The following RSBN1L variants were observed in gnomAD, a reference collection of about 807,000 sequenced individuals.
The protein encoded by RSBN1L is round spermatid basic protein 1 like, also known as lysine-specific demethylase RSBN1L.
A neutral mutation model predicts 67.7 loss-of-function variants in RSBN1L; 30 were observed. That is an observed-to-expected ratio of 0.44 (90% CI 0.33 to 0.60). RSBN1L has a LOEUF of 0.60. RSBN1L is among the 20% of genes least tolerant of loss of function. RSBN1L has a pLI of 0.02. For missense variants in RSBN1L, 992 were observed against 1,031.7 expected (o/e 0.96, Z 0.53); for synonymous variants, 433 against 387.0 (o/e 1.12, Z -1.39).
intron 3 of RSBN1L, among the ~76,000 whole-genome samples, chr7:77,755,294 C>T (rs1167713865): frequency 6.6e-6 from 1 of 152,200 alleles, no homozygotes; most frequent in Non-Finnish European, 1.5e-5. Context: ...ACTTCAGCTG[C>T]TCCTCAACTT....
intron 1 of RSBN1L, among the ~76,000 whole-genome samples, chr7:77,712,577 C>G (rs908753403): frequency 6.6e-6 from 1 of 152,124 alleles, no homozygotes; most frequent in Non-Finnish European, 1.5e-5. Context: ...CTGTGCCTGG[C>G]CACATATGTG....
chr7:77,754,074 A>G (rs750180998), intron 3 of RSBN1L, among the ~76,000 whole-genome samples: 2 of 152,138 alleles, frequency 1.3e-5, no homozygotes, highest in East Asian at 1.9e-4. Context: ...GTCTTGTTCT[A>G]TCAGCCAGGC....
At position 77,760,786 on chromosome 7, in the gene RSBN1L, C is replaced by T. The variant is rs145721181; in HGVS notation, c.1345-4709C>T. On this transcript the variant is annotated intron_variant, in intron 3 of 7. Transcript: ENST00000334955. Reference sequence around the variant, plus strand: ...GAGTAGCTGGGATTACAGGCACCTGCCACCATGCCTGGCTAATTTTTGTAT... The same window carrying T: ...GAGTAGCTGGGATTACAGGCACCTGTCACCATGCCTGGCTAATTTTTGTAT... Among the ~76,000 whole-genome samples the T allele has an allele frequency of 4.9e-3, 743 of 152,272 alleles. 3 individuals carry two copies. The highest frequency in any genetic ancestry group is 0.017 in the African/African-American group (708 of 41,552).
At chr7:77,741,143 C>T (rs1263679197) in intron 2 of RSBN1L, among the ~76,000 whole-genome samples, 2 of 151,606 alleles carry the variant, frequency 1.3e-5, no homozygotes, top group Admixed American at 6.6e-5. Flanking sequence ...TGCGCCACCA[C>T]GCCTGGCTAA....
At chr7:77,738,687 C>T (rs1271584831) in intron 2 of RSBN1L, among the ~76,000 whole-genome samples, 1 of 152,134 alleles carries the variant, frequency 6.6e-6, no homozygotes, top group Non-Finnish European at 1.5e-5. Flanking sequence ...GTGGCTGAAG[C>T]CTGTAATCCC....
At chr7:77,768,334 G>C (rs1791801423) in intron 4 of RSBN1L, 2 of 181,504 alleles carry the variant, frequency 1.1e-5, no homozygotes, top group Admixed American at 1.2e-4. Flanking sequence ...ATTCTTATGA[G>C]AGCACTTGCT....
chr7:77,736,725 A>G (rs1437409822), intron 2 of RSBN1L, among the ~76,000 whole-genome samples, 199 bp downstream of exon 2: 1 of 152,238 alleles, frequency 6.6e-6, no homozygotes, highest in Non-Finnish European at 1.5e-5. Context: ...TTAGTGAGCC[A>G]TTAAAAAGTT....
intron 1 of RSBN1L, among the ~76,000 whole-genome samples, chr7:77,728,403 A>G (rs190604390): frequency 1.3e-5 from 2 of 152,174 alleles, no homozygotes; most frequent in Non-Finnish European, 2.9e-5. Context: ...TGAAGAGTTC[A>G]TTTCCATAGT....
chr7:77,736,828 A>G (rs78963862), intron 2 of RSBN1L, among the ~76,000 whole-genome samples: 3,049 of 152,276 alleles, frequency 0.02, 88 homozygotes, highest in African/African-American at 0.069. Context: ...ATATTTAGAT[A>G]ATCTAAAAGG....
rs750098649 is a variant in RSBN1L at position 77,696,460 on chromosome 7, G to C, written c.-10G>C. The stretch of plus-strand genomic sequence containing the variant: ...CTAGCGGAGGAGAGTAAATACAACA[G>C]GAGCGCAAAATGGCGGAACCGCCGA... On this transcript the variant is annotated 5_prime_UTR_variant, in exon 1 of 8. Transcript: ENST00000334955. The C allele has an allele frequency of 6.3e-7, 1 of 1,599,824 alleles. No individual in the cohort carries two copies. The highest frequency in any genetic ancestry group is 1.1e-5 in the South Asian group (1 of 89,584).
At chr7:77,701,902 C>T (rs1790823587) in intron 1 of RSBN1L, among the ~76,000 whole-genome samples, 2 of 152,204 alleles carry the variant, frequency 1.3e-5, no homozygotes, top group African/African-American at 4.8e-5. Flanking sequence ...GTCTGTCTGC[C>T]TTGGCCTCCC....
chr7:77,751,420 G>C (rs1379231291), intron 3 of RSBN1L, among the ~76,000 whole-genome samples: 1 of 152,182 alleles, frequency 6.6e-6, no homozygotes, highest in Non-Finnish European at 1.5e-5. Context: ...GATTACAGGC[G>C]TGAGCCACCT....
chr7:77,700,369 C>T (rs1411757288), intron 1 of RSBN1L, among the ~76,000 whole-genome samples: 1 of 152,136 alleles, frequency 6.6e-6, no homozygotes, highest in African/African-American at 2.4e-5. Flanking sequence ...AGTACTTTTG[C>T]TTTGTATTTG....
chr7:77,714,105 G>T (rs946832882), intron 1 of RSBN1L, among the ~76,000 whole-genome samples: 2 of 152,088 alleles, frequency 1.3e-5, no homozygotes, highest in African/African-American at 2.4e-5. Flanking sequence ...ATTTACCTCT[G>T]TAAGTTTGTT....
chr7:77,719,129 A>C (rs558273826), intron 1 of RSBN1L, among the ~76,000 whole-genome samples: 21 of 152,294 alleles, frequency 1.4e-4, no homozygotes, highest in African/African-American at 4.8e-4. Context: ...AGTCTGAACC[A>C]ATTTCTCACT....
At chr7:77,707,700 T>C (rs1790913898) in intron 1 of RSBN1L, among the ~76,000 whole-genome samples, 1 of 152,182 alleles carries the variant, frequency 6.6e-6, no homozygotes, top group African/African-American at 2.4e-5. Flanking sequence ...GTACCAAAAT[T>C]TGTAAACTTT....
At chr7:77,736,372 T>A (rs1256009447) in intron 1 of RSBN1L, 38 bp from the exon 2 acceptor site, 1 of 911,356 alleles carries the variant, frequency 1.1e-6, no homozygotes, top group African/African-American at 1.8e-5. Flanking sequence ...AAGTTGTAAT[T>A]TTTTCATTTT....
chr7:77,726,276 G>A (rs1791202253), intron 1 of RSBN1L, among the ~76,000 whole-genome samples: 1 of 152,030 alleles, frequency 6.6e-6, no homozygotes, highest in African/African-American at 2.4e-5. Context: ...TCCTTTTTCT[G>A]TTCAAGGATC....
chr7:77,760,943 G>A (rs1165722432), intron 3 of RSBN1L, among the ~76,000 whole-genome samples: 3 of 152,204 alleles, frequency 2.0e-5, no homozygotes, highest in African/African-American at 7.2e-5. Flanking sequence ...TTTTAAAGCA[G>A]TGACATGTTT....
Sources: gnomAD v4.1 joint callset for allele counts (sites outside exome capture counted in the v4.1 genomes callset) on GRCh38, gnomAD v4.1.1 for gene constraint, MANE v1.5 for transcripts, NCBI Gene and HGNC (gene_info 2026-07-23, HGNC 2026-07-21) for gene names.